The following VPS13A variants were observed in gnomAD, a reference collection of about 807,000 sequenced individuals.
The protein encoded by VPS13A is intermembrane lipid transfer protein VPS13A.
In VPS13A, 264 loss-of-function variants were observed where a neutral mutation model predicts 390.9. The observed-to-expected ratio is 0.68, with a 90% CI of 0.61 to 0.75. The LOEUF is 0.75. Ranked by LOEUF, VPS13A falls within the 30% of genes least tolerant of loss-of-function variation. VPS13A has a pLI of 0.00. For synonymous variants in VPS13A, 1,231 were observed against 1,227.1 expected (o/e 1.00, Z -0.07); for missense variants, 3,409 against 3,733.9 (o/e 0.91, Z 2.27).
rs1465155866 is a variant in VPS13A, at chr9:77,356,768, G to C, written c.7707G>C (p.Met2569Ile). 1 of 1,613,696 alleles carries C rather than the reference G, an allele frequency of 6.2e-7. No homozygotes were observed. Among genetic ancestry groups the C allele is most frequent in the African/African-American group, 1.3e-5 (1 of 74,940 alleles). The change falls in exon 55 of 72, where the codon ATG (methionine) becomes ATC (isoleucine). Residue 2569 changes from methionine (M) to isoleucine (I), a missense_variant. Physicochemically the swap from Met to Ile is conservative, Grantham distance 10 (BLOSUM62 1). This residue lies in a region of VPS13A where 221 missense variants were observed against 300.7 expected (regional missense o/e 0.73). Transcript: ENST00000360280. ...KPKKKARWKP[M>I]SVKHTEKLER... ...AGAAGAAGGCAAGATGGAAGCCAAT[G>C]AGTGTAAAGCACACTGAGAAGTTAG...
intron 33 of VPS13A, among the ~76,000 whole-genome samples, chr9:77,298,899 G>A (rs984483170): frequency 2.0e-5 from 3 of 152,158 alleles, no homozygotes; most frequent in East Asian, 1.9e-4. Flanking sequence ...GCCTGCCGCT[G>A]TGTAAGATGT....
chr9:77,332,355 C>T (rs1158828599), intron 46 of VPS13A, among the ~76,000 whole-genome samples: 1 of 151,836 alleles, frequency 6.6e-6, no homozygotes, highest in East Asian at 1.9e-4. Context: ...ATATAACCGT[C>T]ATAAGCATAG....
chr9:77,206,593 A>G (rs1825654857), intron 5 of VPS13A, among the ~76,000 whole-genome samples: 2 of 151,998 alleles, frequency 1.3e-5, no homozygotes, highest in Non-Finnish European at 2.9e-5. Context: ...CCTCTTTTTC[A>G]TTATTGGAAG....
chr9:77,247,644 CTGATTGAT>C (rs887422189), intron 20 of VPS13A, among the ~76,000 whole-genome samples: 4 of 151,928 alleles, frequency 2.6e-5, no homozygotes, highest in Non-Finnish European at 4.4e-5. Context: ...GCTTGATTGA[CTGATTGAT>C]TGATTGATTG....
At position 77,318,297 on chromosome 9, in the gene VPS13A, A is replaced by G; in HGVS notation, c.5019A>G (p.Glu1673=). The G allele has an allele frequency of 6.2e-7, 1 of 1,609,978 alleles. No homozygotes were observed. The highest frequency in any genetic ancestry group is 8.5e-7 in the Non-Finnish European group (1 of 1,178,964). The change falls in exon 41 of 72, where the codon GAA becomes GAG. Residue 1673 remains glutamate, a synonymous_variant. Coordinates refer to ENST00000360280, the MANE Select transcript of VPS13A (RefSeq NM_033305.3). ...TITSALYTTK[E]TIPEETASST... is the part of the protein sequence containing the mutation. ...CTTCAGCACTGTATACAACTAAGGA[A>G]ACCATCCCAGAAGAAACGGCTTCTT...
At position 77,220,313 on chromosome 9, in the gene VPS13A, A is replaced by T; in HGVS notation, c.919A>T (p.Met307Leu). 1 of 1,612,512 alleles carries T rather than the reference A, an allele frequency of 6.2e-7. No individual in the cohort carries two copies. Among genetic ancestry groups the T allele is most frequent in the South Asian group, 1.1e-5 (1 of 90,880 alleles). Residue 307 changes from methionine (M) to leucine (L), a missense_variant, in exon 12 of 72, where the codon ATG becomes TTG. Met to Leu is a conservative substitution (Grantham distance 15, BLOSUM62 2). This residue lies in a region of VPS13A where 2,717 missense variants were observed against 2,917.4 expected (regional missense o/e 0.93). Transcript: ENST00000360280. ...SIMELLESVD[M>L]MAQNLPYRKF... is the part of the protein sequence containing the mutation. ...TATGGAGCTTCTTGAATCAGTTGAT[A>T]TGATGGCACAAAATCTGCCATATAG...
intron 65 of VPS13A, 146 bp from the exon 66 acceptor site, chr9:77,370,744 T>A: frequency 7.6e-7 from 1 of 1,322,566 alleles, no homozygotes; most frequent in Non-Finnish European, 1.1e-6. Context: ...CTCTAAAACA[T>A]TCTGTTTAAA....
intron 68 of VPS13A, chr9:77,389,598 C>T (rs1175286944): frequency 6.6e-6 from 1 of 152,178 alleles, no homozygotes; most frequent in Non-Finnish European, 1.5e-5. Context: ...ATCCATTGCT[C>T]TCGGCTTTTT....
intron 67 of VPS13A, among the ~76,000 whole-genome samples, chr9:77,376,886 A>C (rs1833108391): frequency 6.6e-6 from 1 of 152,190 alleles, no homozygotes; most frequent in Non-Finnish European, 1.5e-5. Flanking sequence ...ACCAACTCTT[A>C]GAAGTTGGGG....
At chr9:77,193,972 TTC>T (rs1488197385) in intron 1 of VPS13A, among the ~76,000 whole-genome samples, 1 of 152,124 alleles carries the variant, frequency 6.6e-6, no homozygotes, top group Non-Finnish European at 1.5e-5. Context: ...CATGACTTTG[TTC>T]TCTGTCTCCT....
rs376643406 is a variant in VPS13A, at chr9:77,338,719, A to T, written c.6379-797A>T. On this transcript the variant is annotated intron_variant, in intron 47 of 71. Transcript: ENST00000360280. ...TAATTTAAAATCATGAGATGAAGAG[A>T]TTCCTATATTATAATAATAGGAAAA... 3.0e-4 allele frequency: 45 copies of T among 152,322 alleles called. No individual in the cohort carries two copies. In the East Asian group the frequency reaches 4.6e-3, roughly 16 times the overall value. The allele number at this position is 152,322 out of a possible 1,614,324, so 9.4% of individuals were successfully genotyped here.
chr9:77,211,362 A>G (rs1029611975), intron 7 of VPS13A: 2 of 152,122 alleles, frequency 1.3e-5, no homozygotes, highest in African/African-American at 2.4e-5. Context: ...CGCGTTTTAT[A>G]TGACTCTTTT....
At chr9:77,264,180 C>T (rs1366445784) in intron 23 of VPS13A, among the ~76,000 whole-genome samples, 1 of 152,126 alleles carries the variant, frequency 6.6e-6, no homozygotes, top group African/African-American at 2.4e-5. Context: ...AGTACCATTG[C>T]TGTTTTGGTT....
chr9:77,403,993 C>T (rs1035662953), intron 69 of VPS13A, among the ~76,000 whole-genome samples: 8 of 152,126 alleles, frequency 5.3e-5, no homozygotes, highest in Admixed American at 3.9e-4. Context: ...GTTATATGAG[C>T]ATTGTGTTGG....
rs754407073 is a variant in VPS13A, at chr9:77,177,677, G to C, written c.-28G>C. ...GGCGGGAGGAGGAGCGCACGGGCCG[G>C]CTGCCGTGCCCACCACGGCTGAGGA... On this transcript the variant is annotated 5_prime_UTR_variant, in exon 1 of 72. Coordinates refer to ENST00000360280, the MANE Select transcript of VPS13A (RefSeq NM_033305.3). 1 of 1,599,066 alleles carries C rather than the reference G, an allele frequency of 6.3e-7. No homozygotes were observed. The highest frequency in any genetic ancestry group is 8.6e-7 in the Non-Finnish European group (1 of 1,168,262).
intron 37 of VPS13A, 57 bp from the exon 38 acceptor site, chr9:77,315,196 T>C: frequency 1.4e-6 from 2 of 1,474,668 alleles, no homozygotes; most frequent in Non-Finnish European, 1.9e-6. Context: ...TTTACTCATA[T>C]GTTTGATTAC....
intron 23 of VPS13A, 65 bp from the exon 24 acceptor site, chr9:77,273,215 A>AT (rs1826448198): frequency 7.9e-7 from 1 of 1,270,920 alleles, no homozygotes; most frequent in Non-Finnish European, 1.1e-6. Flanking sequence ...TTGAATAAAC[A>AT]TTTTTTGAAT....
intron 22 of VPS13A, among the ~76,000 whole-genome samples, chr9:77,257,345 C>CT (rs1825505892): frequency 6.6e-6 from 1 of 152,118 alleles, no homozygotes; most frequent in Non-Finnish European, 1.5e-5. Flanking sequence ...AGTGATCCTC[C>CT]TGCCTTGTCC....
intron 1 of VPS13A, among the ~76,000 whole-genome samples, chr9:77,191,347 G>A (rs1824676152): frequency 1.4e-5 from 2 of 147,946 alleles, no homozygotes; most frequent in South Asian, 4.3e-4. Context: ...AGGCTGAAGT[G>A]GAGTGGCATG....
Sources: allele counts gnomAD v4.1 joint callset (sites outside exome capture counted in the v4.1 genomes callset), GRCh38; gene constraint gnomAD v4.1.1; regional missense constraint gnomAD v4.1.1; transcripts MANE v1.5; gene names NCBI Gene and HGNC (gene_info 2026-07-23, HGNC 2026-07-21).